The following EEIG2 variants were observed in gnomAD, a reference collection of about 807,000 sequenced individuals.
The protein encoded by EEIG2 is EEIG family member 2.
chr1:108,604,123 GC>G, the EEIG2 span, among the ~76,000 whole-genome samples: 38 of 152,344 alleles, frequency 2.5e-4, no homozygotes, highest in African/African-American at 8.7e-4. Flanking sequence ...AGTGTAAACA[GC>G]AAGTCTGGCA....
chr1:108,586,033 C>T, the EEIG2 span, among the ~76,000 whole-genome samples: 1 of 151,848 alleles, frequency 6.6e-6, no homozygotes, highest in Admixed American at 6.6e-5. Flanking sequence ...GTGAAAATAC[C>T]AACGGAGGAA....
chr1:108,595,089 A>G, the EEIG2 span, among the ~76,000 whole-genome samples: 1 of 152,190 alleles, frequency 6.6e-6, no homozygotes, highest in African/African-American at 2.4e-5. Flanking sequence ...AACATATACG[A>G]TTAGGCATGT....
the EEIG2 span, among the ~76,000 whole-genome samples, chr1:108,582,329 A>G: frequency 1.3e-5 from 2 of 152,292 alleles, no homozygotes; most frequent in South Asian, 4.2e-4. Context: ...ATTCCAGGCC[A>G]TTGAACTATT....
chr1:108,567,576 T>TA, the EEIG2 span, among the ~76,000 whole-genome samples: 1 of 152,222 alleles, frequency 6.6e-6, no homozygotes, highest in Admixed American at 6.5e-5. Flanking sequence ...GGTAGGTAAA[T>TA]ATATGTAGTA....
At chr1:108,633,879 G>A in the EEIG2 span, among the ~76,000 whole-genome samples, 1 of 152,068 alleles carries the variant, frequency 6.6e-6, no homozygotes, top group Non-Finnish European at 1.5e-5. Context: ...TTTGATCTCT[G>A]ACTCCTTCAC....
the EEIG2 span, among the ~76,000 whole-genome samples, chr1:108,593,256 C>G: frequency 6.6e-6 from 1 of 152,194 alleles, no homozygotes; most frequent in Non-Finnish European, 1.5e-5. Context: ...TGGCTCTGCA[C>G]CATCATCACA....
the EEIG2 span, chr1:108,636,880 ATATT>A: frequency 6.6e-6 from 1 of 152,146 alleles, no homozygotes; most frequent in Non-Finnish European, 1.5e-5. Context: ...ATTTAGAGAG[ATATT>A]TATTATGACA....
the EEIG2 span, among the ~76,000 whole-genome samples, chr1:108,606,478 G>T: frequency 6.6e-6 from 1 of 152,174 alleles, no homozygotes. Flanking sequence ...CCTGCTAGAG[G>T]ATGATCTCTA....
the EEIG2 span, among the ~76,000 whole-genome samples, chr1:108,560,980 G>C: frequency 8.1e-3 from 1,233 of 152,330 alleles, 16 homozygotes; most frequent in African/African-American, 0.028. Context: ...CTCCCTTGTA[G>C]ATTACAAGGG....
chr1:108,625,738 T>G, the EEIG2 span: 1 of 152,514 alleles, frequency 6.6e-6, no homozygotes, highest in South Asian at 2.1e-4. Context: ...CTTCCCCCAC[T>G]CTGCCCCAAA....
chr1:108,604,860 C>G, the EEIG2 span, among the ~76,000 whole-genome samples: 1 of 140,334 alleles, frequency 7.1e-6, no homozygotes, highest in South Asian at 2.2e-4. Context: ...AAGACCCCAC[C>G]TCTCCAAAAA....
chr1:108,614,312 C>CT, the EEIG2 span, among the ~76,000 whole-genome samples: 5 of 152,000 alleles, frequency 3.3e-5, no homozygotes, highest in African/African-American at 4.8e-5. Context: ...AATATCTACC[C>CT]TTGCATGCTG....
the EEIG2 span, among the ~76,000 whole-genome samples, chr1:108,602,920 G>T: frequency 9.2e-5 from 14 of 151,706 alleles, no homozygotes; most frequent in Admixed American, 6.6e-5. Flanking sequence ...ACATTCTGAG[G>T]TAAGGACTTC....
At chr1:108,632,743 C>T in the EEIG2 span, among the ~76,000 whole-genome samples, 1 of 151,610 alleles carries the variant, frequency 6.6e-6, no homozygotes, top group African/African-American at 2.4e-5. Context: ...ATAATATACT[C>T]AGTAAGCCCT....
chr1:108,560,307 C>T, the EEIG2 span: 3 of 768,678 alleles, frequency 3.9e-6, no homozygotes, highest in Non-Finnish European at 4.7e-6. Flanking sequence ...CGGCGCCCCC[C>T]GGCCGCGCCC....
At chr1:108,597,847 A>G in the EEIG2 span, among the ~76,000 whole-genome samples, 1 of 152,194 alleles carries the variant, frequency 6.6e-6, no homozygotes, top group African/African-American at 2.4e-5. Flanking sequence ...TTTATTGTAA[A>G]TGTTATTTCT....
chr1:108,569,933 G>A, the EEIG2 span, among the ~76,000 whole-genome samples: 1 of 152,176 alleles, frequency 6.6e-6, no homozygotes, highest in Admixed American at 6.5e-5. Context: ...CTTAATTAAT[G>A]TTGGTTATTT....
the EEIG2 span, among the ~76,000 whole-genome samples, chr1:108,620,824 A>G: frequency 6.6e-6 from 1 of 152,208 alleles, no homozygotes; most frequent in Non-Finnish European, 1.5e-5. Context: ...AGACTTAACA[A>G]GCTAGAAAAG....
the EEIG2 span, among the ~76,000 whole-genome samples, chr1:108,598,724 C>T: frequency 6.6e-6 from 1 of 152,122 alleles, no homozygotes; most frequent in Non-Finnish European, 1.5e-5. Flanking sequence ...CTGTTTAGAA[C>T]ATAAAAGTAA....
Sources: gnomAD v4.1 joint callset for allele counts (sites outside exome capture counted in the v4.1 genomes callset) on GRCh38, gnomAD v4.1.1 for gene constraint, MANE v1.5 for transcripts, NCBI Gene and HGNC (gene_info 2026-07-23, HGNC 2026-07-21) for gene names.